The following LRP1B variants were observed in gnomAD, a reference collection of about 807,000 sequenced individuals.
The protein encoded by LRP1B is LDL receptor related protein 1B.
LRP1B carries 217 observed loss-of-function variants against 556.6 expected under a neutral mutation model. The ratio of observed to expected loss-of-function variants is 0.39; its 90% CI spans 0.35 to 0.44. The LOEUF is 0.44. Ranked by LOEUF, LRP1B falls within the 20% of genes least tolerant of loss-of-function variation. LRP1B has a pLI of 1.00. For synonymous variants in LRP1B, 2,047 were observed against 1,865.8 expected (o/e 1.10, Z -2.50); for missense variants, 5,053 against 5,620.8 (o/e 0.90, Z 3.23).
At chr2:141,444,416 C>G (rs1559073654) in intron 3 of LRP1B, among the ~76,000 whole-genome samples, 1 of 151,538 alleles carries the variant, frequency 6.6e-6, no homozygotes, top group African/African-American at 2.4e-5. Flanking sequence ...TTTGAATACG[C>G]TTTCTTTCAC....
At chr2:141,181,289 T>C (rs1365048062) in intron 7 of LRP1B, among the ~76,000 whole-genome samples, 1 of 151,914 alleles carries the variant, frequency 6.6e-6, no homozygotes, top group Admixed American at 6.6e-5. Context: ...AAAGATCACA[T>C]TACAGAGCAA....
At chr2:140,377,937 T>C (rs1216634811) in intron 68 of LRP1B, among the ~76,000 whole-genome samples, 2 of 152,204 alleles carry the variant, frequency 1.3e-5, no homozygotes. Flanking sequence ...ATCCTATTCC[T>C]ACAACGCAGC....
intron 2 of LRP1B, among the ~76,000 whole-genome samples, chr2:141,623,812 T>G (rs10180165): frequency 0.033 from 4,979 of 151,712 alleles, 274 homozygotes; most frequent in African/African-American, 0.11. Context: ...GTCAGGAGTT[T>G]GAGACCAGCC....
chr2:142,114,701 T>C (rs1037728279), intron 1 of LRP1B, among the ~76,000 whole-genome samples: 5 of 152,080 alleles, frequency 3.3e-5, no homozygotes, highest in Non-Finnish European at 7.4e-5. Flanking sequence ...TACTTATATG[T>C]GGGAGTTCAT....
chr2:140,386,039 G>A (rs930612576), intron 66 of LRP1B, 30 bp from the exon 67 acceptor site: 3 of 1,395,576 alleles, frequency 2.1e-6, no homozygotes, highest in African/African-American at 2.9e-5. Context: ...AGTTTGCATT[G>A]TAGATTTCCA....
intron 2 of LRP1B, among the ~76,000 whole-genome samples, chr2:141,657,960 C>T (rs1022538222): frequency 6.6e-6 from 1 of 152,124 alleles, no homozygotes; most frequent in African/African-American, 2.4e-5. Context: ...TAGAATGTTC[C>T]ATCATCCACA....
chr2:140,794,884 A>G (rs1690251028), intron 32 of LRP1B, among the ~76,000 whole-genome samples: 1 of 152,128 alleles, frequency 6.6e-6, no homozygotes, highest in South Asian at 2.1e-4. Flanking sequence ...AAGCACTGGG[A>G]TTACAGGCAT....
intron 1 of LRP1B, among the ~76,000 whole-genome samples, chr2:141,903,466 A>G (rs2104938064): frequency 6.6e-6 from 1 of 152,040 alleles, no homozygotes; most frequent in South Asian, 2.1e-4. Context: ...CCCATGAATA[A>G]TATATTCATA....
At chr2:141,085,560 G>C (rs1341519701) in intron 7 of LRP1B, among the ~76,000 whole-genome samples, 1 of 152,144 alleles carries the variant, frequency 6.6e-6, no homozygotes, top group Admixed American at 6.5e-5. Context: ...GCCAAAGAAA[G>C]AGAGAGGCCT....
At chr2:141,460,078 C>A (rs1170027754) in intron 3 of LRP1B, among the ~76,000 whole-genome samples, 1 of 152,162 alleles carries the variant, frequency 6.6e-6, no homozygotes, top group African/African-American at 2.4e-5. Context: ...TAAATTTTAG[C>A]TGCTTCCTAA....
chr2:141,619,330 A>G (rs549059404), intron 2 of LRP1B, among the ~76,000 whole-genome samples: 2 of 152,310 alleles, frequency 1.3e-5, no homozygotes, highest in East Asian at 3.9e-4. Flanking sequence ...AGGAGGAGCT[A>G]ATACTTCGTA....
chr2:141,463,577 TATA>T (rs1682014811), intron 3 of LRP1B, among the ~76,000 whole-genome samples: 1 of 53,258 alleles, frequency 1.9e-5, no homozygotes, highest in African/African-American at 5.9e-5. Flanking sequence ...ATATATTATA[TATA>T]ATTATATATA....
intron 41 of LRP1B, among the ~76,000 whole-genome samples, chr2:140,602,799 G>A (rs924035675): frequency 1.8e-4 from 28 of 151,418 alleles, no homozygotes; most frequent in African/African-American, 5.3e-4. Context: ...GCAATTAATG[G>A]CTATCATTTT....
intron 2 of LRP1B, among the ~76,000 whole-genome samples, chr2:141,740,965 C>A (rs1181303842): frequency 6.6e-6 from 1 of 152,116 alleles, no homozygotes; most frequent in African/African-American, 2.4e-5. Context: ...TTTCTACCTC[C>A]GTGAGTTCAA....
intron 3 of LRP1B, among the ~76,000 whole-genome samples, chr2:141,462,667 T>G (rs1681928998): frequency 6.6e-6 from 1 of 152,038 alleles, no homozygotes; most frequent in Non-Finnish European, 1.5e-5. Context: ...ATAAAAAAAT[T>G]AATAAATAAC....
chr2:141,306,008 AT>A (rs1201794710), intron 3 of LRP1B, among the ~76,000 whole-genome samples: 2 of 152,090 alleles, frequency 1.3e-5, no homozygotes, highest in Non-Finnish European at 2.9e-5. Flanking sequence ...TAGTAGAGGA[AT>A]TTTGTGTCTA....
intron 2 of LRP1B, among the ~76,000 whole-genome samples, chr2:141,735,720 T>A (rs568658865): frequency 6.6e-6 from 1 of 152,196 alleles, no homozygotes; most frequent in South Asian, 2.1e-4. Context: ...GTGGGGTGGG[T>A]ACATGTGGAT....
intron 20 of LRP1B, among the ~76,000 whole-genome samples, chr2:140,938,533 G>A (rs1272347728): frequency 6.6e-6 from 1 of 152,006 alleles, no homozygotes; most frequent in African/African-American, 2.4e-5. Context: ...AGCAGTTACT[G>A]GGGGTTCATT....
At chr2:140,829,535 G>A (rs980089375) in intron 31 of LRP1B, among the ~76,000 whole-genome samples, 4 of 152,002 alleles carry the variant, frequency 2.6e-5, no homozygotes, top group Admixed American at 6.6e-5. Flanking sequence ...AATAATCAAT[G>A]GGTCAATGAA....
Sources: allele counts gnomAD v4.1 joint callset (sites outside exome capture counted in the v4.1 genomes callset), GRCh38; gene constraint gnomAD v4.1.1; transcripts MANE v1.5; gene names NCBI Gene and HGNC (gene_info 2026-07-23, HGNC 2026-07-21).